SLF1: variants seen among roughly 807,000 people sequenced by gnomAD.
The protein encoded by SLF1 is SMC5-SMC6 complex localization factor protein 1.
In SLF1, 105 loss-of-function variants were observed where a neutral mutation model predicts 123.0. That is an observed-to-expected ratio of 0.85 (90% CI 0.73 to 1.00). The LOEUF is 1.00. SLF1 is among the 50% of genes least tolerant of loss of function. The pLI is 0.00. For missense variants in SLF1, 1,239 were observed against 1,223.0 expected (o/e 1.01, Z -0.20); for synonymous variants, 434 against 406.6 (o/e 1.07, Z -0.81).
intron 3 of SLF1, among the ~76,000 whole-genome samples, chr5:94,630,168 TG>T (rs1333242836): frequency 3.9e-5 from 6 of 152,198 alleles, no homozygotes; most frequent in African/African-American, 1.4e-4. Context: ...CATTTTATTT[TG>T]GATTTTAAAG....
At chr5:94,665,539 G>A (rs910074956) in intron 11 of SLF1, among the ~76,000 whole-genome samples, 3 of 152,036 alleles carry the variant, frequency 2.0e-5, no homozygotes, top group African/African-American at 7.2e-5. Context: ...TCACAAGGTC[G>A]GGAGTTCAAG....
chr5:94,657,554 A>G (rs1468676352), intron 9 of SLF1, among the ~76,000 whole-genome samples: 2 of 152,054 alleles, frequency 1.3e-5, no homozygotes, highest in African/African-American at 4.8e-5. Context: ...TGTTAGGTTC[A>G]TTTGTTCTAA....
chr5:94,621,487 G>T (rs192693991), intron 1 of SLF1, among the ~76,000 whole-genome samples: 31 of 152,282 alleles, frequency 2.0e-4, no homozygotes, highest in African/African-American at 6.5e-4. Context: ...AACCTTAGAC[G>T]TATGGTCTTC....
intron 1 of SLF1, among the ~76,000 whole-genome samples, chr5:94,627,851 C>T (rs1160741348): frequency 5.4e-5 from 8 of 148,786 alleles, no homozygotes; most frequent in Admixed American, 1.3e-4. Context: ...TTTTTTGAGA[C>T]GGAGTTTCAC....
At chr5:94,655,806 C>T (rs1207593845) in intron 9 of SLF1, among the ~76,000 whole-genome samples, 1 of 151,954 alleles carries the variant, frequency 6.6e-6, no homozygotes, top group Admixed American at 6.6e-5. Flanking sequence ...TTTTATCTCA[C>T]AGCTTTACTG....
At chr5:94,643,844 A>G (rs1746713450) in intron 5 of SLF1, among the ~76,000 whole-genome samples, 1 of 152,096 alleles carries the variant, frequency 6.6e-6, no homozygotes, top group Non-Finnish European at 1.5e-5. Flanking sequence ...AGTTGTTTGA[A>G]TGGGCATCAA....
At chr5:94,648,984 T>A (rs2152477494) in intron 5 of SLF1, among the ~76,000 whole-genome samples, 1 of 152,320 alleles carries the variant, frequency 6.6e-6, no homozygotes, top group East Asian at 1.9e-4. Context: ...ATTAAGATAA[T>A]TGTTGTTTAT....
At chr5:94,621,019 C>G (rs963409856) in intron 1 of SLF1, among the ~76,000 whole-genome samples, 1 of 152,096 alleles carries the variant, frequency 6.6e-6, no homozygotes, top group African/African-American at 2.4e-5. Context: ...TAGATTGTTT[C>G]TAGAAATGCT....
chr5:94,676,393 G>T (rs1222073678), intron 14 of SLF1, among the ~76,000 whole-genome samples: 4 of 152,130 alleles, frequency 2.6e-5, no homozygotes, highest in Non-Finnish European at 4.4e-5. Flanking sequence ...ACCAGGGGAG[G>T]TGTTGGTGCT....
chr5:94,629,059 G>A lies in SLF1; in HGVS notation c.115-33G>A, dbSNP rs1049051364. 2.0e-6 allele frequency: 3 copies of A among 1,506,690 alleles called. No homozygotes were observed. The African/African-American group carries it at 4.2e-5, about 21-fold the overall frequency. 93.3% of individuals were successfully genotyped at this position (1,506,690 alleles called of 1,614,324 possible). A position where few individuals can be genotyped will look rare whatever the true frequency, so the allele number is the denominator to read the frequency against. On this transcript the variant is annotated intron_variant, in intron 2 of 20. Coordinates refer to ENST00000265140, the MANE Select transcript of SLF1 (RefSeq NM_032290.4). ...GTGTCATAAAGGGAGTCTTACTTTA[G>A]TAACATTTCTTGATGTGGATTTTTC...
At chr5:94,635,904 TG>T (rs1405282193) in intron 4 of SLF1, among the ~76,000 whole-genome samples, 2 of 152,232 alleles carry the variant, frequency 1.3e-5, no homozygotes, top group East Asian at 3.8e-4. Context: ...TTTATACTTT[TG>T]TATGTTTTAT....
chr5:94,640,167 C>T (rs1295553829), intron 4 of SLF1, among the ~76,000 whole-genome samples: 1 of 152,140 alleles, frequency 6.6e-6, no homozygotes, highest in African/African-American at 2.4e-5. Flanking sequence ...CTCTTTTTAA[C>T]AGTTCTTATA....
intron 1 of SLF1, among the ~76,000 whole-genome samples, chr5:94,625,202 A>AT (rs11416356): frequency 0.22 from 33,264 of 150,430 alleles, 3,831 homozygotes; most frequent in East Asian, 0.34. Flanking sequence ...CAAAAAAAAA[A>AT]AAAAAAATAT....
At chr5:94,654,295 C>T (rs140432803) in intron 8 of SLF1, among the ~76,000 whole-genome samples, 1 of 142,844 alleles carries the variant, frequency 7.0e-6, no homozygotes, top group African/African-American at 2.6e-5. Context: ...ACCATGGCAA[C>T]AACAAAAAAG....
At chr5:94,654,298 CA>C (rs1748113567) in intron 8 of SLF1, among the ~76,000 whole-genome samples, 1 of 140,032 alleles carries the variant, frequency 7.1e-6, no homozygotes, top group Non-Finnish European at 1.5e-5. Context: ...ATGGCAACAA[CA>C]AAAAAGCAGT....
In SLF1 at chr5:94,667,829, G is replaced by A. The variant is rs1478283401; in HGVS notation, c.1532+1805G>A. 2.6e-5 allele frequency among the ~76,000 whole-genome samples: 4 copies of A among 151,980 alleles called. No individual in the cohort carries two copies. In the East Asian group the frequency reaches 7.7e-4, roughly 29 times the overall value. On this transcript the variant is annotated intron_variant, in intron 12 of 20. Coordinates refer to ENST00000265140, the MANE Select transcript of SLF1 (RefSeq NM_032290.4). ...AATGGCACAATCACGGCTCACTGCA[G>A]CCTGAAACTCCCAGGCTCAGGTGAT...
intron 7 of SLF1, among the ~76,000 whole-genome samples, chr5:94,652,170 G>T (rs1286877358): frequency 2.0e-5 from 3 of 151,894 alleles, no homozygotes; most frequent in Non-Finnish European, 2.9e-5. Context: ...ACCACGCCTG[G>T]CTAATTTTTG....
chr5:94,646,686 A>G (rs1747106295), intron 5 of SLF1, among the ~76,000 whole-genome samples: 1 of 152,204 alleles, frequency 6.6e-6, no homozygotes, highest in African/African-American at 2.4e-5. Flanking sequence ...ATGGGAATAT[A>G]TTAGGAATAA....
chr5:94,685,833 C>CA lies in SLF1; in HGVS notation c.1976-724dup, dbSNP rs758208359. Among the ~76,000 whole-genome samples, 1,040 of 110,558 alleles carry CA rather than the reference C, an allele frequency of 9.4e-3. 6 individuals are homozygous for CA. The highest frequency in any genetic ancestry group is 0.024 in the African/African-American group (721 of 29,814). 72.5% of individuals were successfully genotyped at this position (110,558 alleles called of 152,430 possible). On this transcript the variant is annotated intron_variant, in intron 15 of 20. Coordinates refer to ENST00000265140, the MANE Select transcript of SLF1 (RefSeq NM_032290.4). ...CTGGCAACAGAGCGAGACTCCGTCTCAAAAAAAAAAAAAAAATTATCCACC... is the reference window on the plus strand; with the variant it reads ...CTGGCAACAGAGCGAGACTCCGTCTCAAAAAAAAAAAAAAAAATTATCCACC...
Sources: allele counts gnomAD v4.1 joint callset (sites outside exome capture counted in the v4.1 genomes callset), GRCh38; gene constraint gnomAD v4.1.1; transcripts MANE v1.5; gene names NCBI Gene and HGNC (gene_info 2026-07-23, HGNC 2026-07-21).